The following PAXBP1 variants were observed in gnomAD, a reference collection of about 807,000 sequenced individuals.
PAXBP1 encodes PAX3- and PAX7-binding protein 1.
In PAXBP1, 44 loss-of-function variants were observed where a neutral mutation model predicts 119.9. That is an observed-to-expected ratio of 0.37 (90% CI 0.29 to 0.47). PAXBP1 has a LOEUF of 0.47. Ranked by LOEUF, PAXBP1 falls within the 20% of genes least tolerant of loss-of-function variation. The pLI is 0.99. For missense variants in PAXBP1, 898 were observed against 1,134.1 expected (o/e 0.79, Z 2.99); for synonymous variants, 393 against 406.6 (o/e 0.97, Z 0.40).
chr21:32,745,839 G>T, intron 11 of PAXBP1, 121 bp from the exon 12 acceptor site: 1 of 1,154,620 alleles, frequency 8.7e-7, no homozygotes, highest in Non-Finnish European at 1.2e-6. Flanking sequence ...AAACTGGACG[G>T]CTGGAGATAT....
intron 8 of PAXBP1, among the ~76,000 whole-genome samples, chr21:32,753,065 T>G (rs2043982301): frequency 6.6e-6 from 1 of 152,194 alleles, no homozygotes; most frequent in Non-Finnish European, 1.5e-5. Flanking sequence ...CAGCCCTAGA[T>G]GTGAGTTCAC....
Position 32,769,796 on chromosome 21 carries a change from A to T in PAXBP1, c.472+18T>A. 6 of 1,596,000 alleles carry T rather than the reference A, an allele frequency of 3.8e-6. No individual in the cohort carries two copies. The highest frequency in any genetic ancestry group is 5.1e-6 in the Non-Finnish European group (6 of 1,175,546). On this transcript the variant is annotated intron_variant, in intron 2 of 17. Transcript: ENST00000331923. ...TCATTTTGTCATTTCAAAAGAATTC[A>T]ATTAGTTTGGTACTTACTTTCAGCT...
chr21:32,745,662 A>G lies in PAXBP1; in HGVS notation c.1980T>C (p.Gly660=). The G allele has an allele frequency of 6.2e-7, 1 of 1,614,070 alleles. No homozygotes were observed. The highest frequency in any genetic ancestry group is 1.7e-5 in the Admixed American group (1 of 60,024). The change falls in exon 12 of 18, where the codon GGT becomes GGC. Residue 660 remains glycine (G), a synonymous_variant. Coordinates refer to ENST00000331923, the MANE Select transcript of PAXBP1 (RefSeq NM_016631.4). ...MLWFESLLFY[G]CEEREQEKDD... is the part of the protein sequence containing the mutation. ...CTTTTTCTTGCTCTCGTTCTTCACA[A>G]CCATAAAACAGCAAAGATTCAAACC... is the stretch of plus-strand genomic sequence containing the variant.
rs766106749 is a variant in PAXBP1, at chr21:32,762,178, A to C, written c.789T>G (p.Asp263Glu). 4 of 1,614,230 alleles carry C rather than the reference A, an allele frequency of 2.5e-6. No individual in the cohort carries two copies. The South Asian group carries it at 4.4e-5, about 18-fold the overall frequency. ...GGCGTTTCTCATCGTCATCTTCATCATCACTGGCATCATTCTCATCTTCTC... is the reference window on the plus strand; with the variant it reads ...GGCGTTTCTCATCGTCATCTTCATCCTCACTGGCATCATTCTCATCTTCTC... Reference protein sequence around the residue: ...LVREDENDASDDEDDDEKRRI... With the variant: ...LVREDENDASEDEDDDEKRRI... Residue 263 changes from aspartate to glutamate, a missense_variant, in exon 4 of 18, where the codon GAT becomes GAG. By Grantham distance (45) the Asp-to-Glu change is conservative. Transcript: ENST00000331923.
At chr21:32,753,086 A>C (rs1000030411) in intron 8 of PAXBP1, among the ~76,000 whole-genome samples, 2 of 152,194 alleles carry the variant, frequency 1.3e-5, no homozygotes, top group African/African-American at 4.8e-5. Context: ...TACACACCCC[A>C]GATGAATTAG....
At chr21:32,766,435 G>A (rs2044242370) in intron 2 of PAXBP1, among the ~76,000 whole-genome samples, 1 of 152,018 alleles carries the variant, frequency 6.6e-6, no homozygotes, top group South Asian at 2.1e-4. Flanking sequence ...TACTACTTCA[G>A]GAAACCTGCT....
intron 17 of PAXBP1, among the ~76,000 whole-genome samples, 185 bp from the exon 18 acceptor site, chr21:32,735,252 G>T (rs967913429): frequency 8.6e-5 from 13 of 151,468 alleles, no homozygotes; most frequent in African/African-American, 3.2e-4. Flanking sequence ...TATCCATATA[G>T]AACAAAACTT....
intron 2 of PAXBP1, 27 bp downstream of exon 2, chr21:32,769,787 A>G: frequency 6.3e-7 from 1 of 1,593,580 alleles, no homozygotes; most frequent in Non-Finnish European, 8.5e-7. Context: ...TGTCATTTCA[A>G]AAGAATTCAA....
intron 3 of PAXBP1, among the ~76,000 whole-genome samples, chr21:32,762,687 G>C (rs1484375158): frequency 6.6e-6 from 1 of 151,896 alleles, no homozygotes; most frequent in Non-Finnish European, 1.5e-5. Context: ...GGGAGGCTGA[G>C]GCAGGTGGAT....
At chr21:32,753,161 A>T (rs1328020484) in intron 8 of PAXBP1, among the ~76,000 whole-genome samples, 1 of 152,126 alleles carries the variant, frequency 6.6e-6, no homozygotes, top group Non-Finnish European at 1.5e-5. Flanking sequence ...AAATATTTTT[A>T]AAAATATCAT....
intron 11 of PAXBP1, among the ~76,000 whole-genome samples, chr21:32,748,296 A>C (rs576105067): frequency 7.9e-5 from 12 of 152,294 alleles, no homozygotes; most frequent in East Asian, 3.9e-4. Flanking sequence ...ACAACAACAA[A>C]AAAAACACAT....
chr21:32,766,720 T>C (rs999900892), intron 2 of PAXBP1, among the ~76,000 whole-genome samples: 2 of 152,222 alleles, frequency 1.3e-5, no homozygotes, highest in African/African-American at 4.8e-5. Flanking sequence ...AATTCATATA[T>C]GATAGCATCA....
intron 7 of PAXBP1, among the ~76,000 whole-genome samples, chr21:32,757,681 G>A (rs1003060503): frequency 3.3e-5 from 5 of 152,104 alleles, no homozygotes; most frequent in South Asian, 2.1e-4. Context: ...AGAAAGTTCC[G>A]AAGCAAGCGC....
In PAXBP1 at chr21:32,771,564, C is replaced by T. The variant is rs1417669853; in HGVS notation, c.105G>A (p.Pro35=). Residue 35 remains proline, a synonymous_variant, in exon 1 of 18, where the codon CCG becomes CCA. Transcript: ENST00000331923. ...GGCCCGCCTCTTCGCCCGTGCCCGGCGGCGGCAACAACGGCGGCGGCTCCT... is the reference window on the plus strand; with the variant it reads ...GGCCCGCCTCTTCGCCCGTGCCCGGTGGCGGCAACAACGGCGGCGGCTCCT... ...EEQEPPPLLP[P]PGTGEEAGPG... is the part of the protein sequence containing the mutation. 6 of 1,424,830 alleles carry T rather than the reference C, an allele frequency of 4.2e-6. No homozygotes were observed. Among genetic ancestry groups the T allele is most frequent in the South Asian group, 1.4e-5 (1 of 71,628 alleles). 88.3% of individuals were successfully genotyped at this position (1,424,830 alleles called of 1,614,324 possible). A position where few individuals can be genotyped will look rare whatever the true frequency, so the allele number is the denominator to read the frequency against.
At chr21:32,770,237 T>C (rs2044313644) in intron 1 of PAXBP1, among the ~76,000 whole-genome samples, 1 of 152,154 alleles carries the variant, frequency 6.6e-6, no homozygotes, top group African/African-American at 2.4e-5. Context: ...AAAAAATCAT[T>C]CAAAATGTTT....
chr21:32,736,940 T>C (rs1429313185), intron 17 of PAXBP1, among the ~76,000 whole-genome samples: 1 of 152,190 alleles, frequency 6.6e-6, no homozygotes, highest in Non-Finnish European at 1.5e-5. Flanking sequence ...TAAATCTGCA[T>C]AATGAAACTC....
chr21:32,745,490 C>T (rs763332902), intron 12 of PAXBP1, 84 bp downstream of exon 12: 2 of 1,539,386 alleles, frequency 1.3e-6, no homozygotes, highest in African/African-American at 1.4e-5. Context: ...TATAAGGAAA[C>T]ATGCTCTGAA....
Position 32,759,242 on chromosome 21 carries a change from T to C in PAXBP1, c.1221A>G (p.Lys407=), listed in dbSNP as rs1356730985. 6.2e-7 allele frequency: 1 copy of C among 1,613,860 alleles called. No homozygotes were observed. Among genetic ancestry groups the C allele is most frequent in the Non-Finnish European group, 8.5e-7 (1 of 1,179,910 alleles). The part of the protein sequence containing the change: ...DRLDSMKELH[K]TNRQQHEKHL... ...GTTTCTCATGCTGCTGTCGATTTGT[T>C]TTGTGCAATTCTTTCATGGAGTCCA... The change falls in exon 7 of 18, where the codon AAA becomes AAG. Residue 407 remains lysine (K), a synonymous_variant. Transcript: ENST00000331923.
At chr21:32,743,878 C>CT in intron 13 of PAXBP1, 124 bp from the exon 14 acceptor site, 1 of 593,132 alleles carries the variant, frequency 1.7e-6, no homozygotes, top group Admixed American at 3.3e-5. Flanking sequence ...TTTAATTTTC[C>CT]TCATTGAAGA....
Sources: gnomAD v4.1 joint callset for allele counts (sites outside exome capture counted in the v4.1 genomes callset) on GRCh38, gnomAD v4.1.1 for gene constraint, MANE v1.5 for transcripts, NCBI Gene and HGNC (gene_info 2026-07-23, HGNC 2026-07-21) for gene names.